CADM1: variants seen among roughly 807,000 people sequenced by gnomAD.
CADM1 encodes TSLC-1.
In CADM1, 15 loss-of-function variants were observed where a neutral mutation model predicts 53.1. The observed-to-expected ratio is 0.28, with a 90% CI of 0.19 to 0.44. The LOEUF is 0.44. Among genes scored for constraint, CADM1 ranks in the 20% least tolerant of loss-of-function variants. The probability of loss-of-function intolerance (pLI) is 1.00; values close to 1 mark genes in which losing one functional copy is unlikely to be tolerated. For synonymous variants in CADM1, 281 were observed against 243.0 expected, an observed-to-expected ratio of 1.16 and a Z score of -1.45; for missense variants, 434 against 611.3, an observed-to-expected ratio of 0.71 and a Z score of 3.06.
intron 1 of CADM1, among the ~76,000 whole-genome samples, chr11:115,285,127 A>C (rs188325669): frequency 1.3e-5 from 2 of 152,354 alleles, no homozygotes; most frequent in African/African-American, 4.8e-5. Flanking sequence ...CCAAGGAATC[A>C]GAAACCAAAT....
intron 1 of CADM1, among the ~76,000 whole-genome samples, chr11:115,285,102 G>T (rs1387678852): frequency 6.6e-6 from 1 of 152,168 alleles, no homozygotes; most frequent in Non-Finnish European, 1.5e-5. Context: ...TGAACCAAAT[G>T]TTGATCAGTC....
chr11:115,223,759 T>A (rs1422765964), intron 5 of CADM1, among the ~76,000 whole-genome samples: 2 of 152,162 alleles, frequency 1.3e-5, no homozygotes, highest in Non-Finnish European at 2.9e-5. Flanking sequence ...GTCCTTATAA[T>A]ATCAGGAACT....
rs11215453 is a variant in CADM1 at position 115,259,450 on chromosome 11, C to G, written c.125-19030G>C. ...CCCCCCAAGTGGCTGGGATTACAGG[C>G]ACACGCCACCACCCCCAGCTAATTT... is the stretch of plus-strand genomic sequence containing the variant. On this transcript the variant is annotated intron_variant, in intron 1 of 11. Coordinates refer to ENST00000331581, the MANE Select transcript of CADM1 (RefSeq NM_001301043.2). Among the ~76,000 whole-genome samples the G allele has an allele frequency of 1.9e-4, 29 of 150,130 alleles. No individual in the cohort carries two copies. The South Asian group carries it at 3.0e-3, about 15-fold the overall frequency.
intron 1 of CADM1, among the ~76,000 whole-genome samples, chr11:115,355,186 A>G (rs1158428978): frequency 1.3e-5 from 2 of 152,244 alleles, no homozygotes; most frequent in Admixed American, 6.5e-5. Flanking sequence ...ATTCACAATA[A>G]TAGCAAAGAC....
chr11:115,398,483 C>T (rs1408034055), intron 1 of CADM1, among the ~76,000 whole-genome samples: 2 of 152,130 alleles, frequency 1.3e-5, no homozygotes, highest in Non-Finnish European at 2.9e-5. Context: ...TGGTTCTCTT[C>T]CACGTTCCAA....
At chr11:115,347,668 C>T (rs937395715) in intron 1 of CADM1, among the ~76,000 whole-genome samples, 9 of 152,144 alleles carry the variant, frequency 5.9e-5, no homozygotes, top group Non-Finnish European at 8.8e-5. Flanking sequence ...TGCTAGGCTG[C>T]TTAGTGCAAT....
At chr11:115,416,686 G>T (rs140110776) in intron 1 of CADM1, among the ~76,000 whole-genome samples, 227 of 140,942 alleles carry the variant, frequency 1.6e-3, no homozygotes, top group African/African-American at 5.9e-3. Context: ...CTGGTCAGTT[G>T]TAAGGATTAA....
intron 1 of CADM1, among the ~76,000 whole-genome samples, chr11:115,269,764 C>T (rs1187006323): frequency 6.6e-6 from 1 of 152,156 alleles, no homozygotes; most frequent in African/African-American, 2.4e-5. Flanking sequence ...TGTCACTAGC[C>T]TGATATGCTT....
chr11:115,241,328 C>T (rs949830286), intron 1 of CADM1, among the ~76,000 whole-genome samples: 1 of 152,190 alleles, frequency 6.6e-6, no homozygotes, highest in Non-Finnish European at 1.5e-5. Flanking sequence ...CAATGTCACA[C>T]CTGGCATAGT....
intron 5 of CADM1, 81 bp from the exon 6 acceptor site, chr11:115,218,072 C>T (rs1298257009): frequency 1.7e-5 from 15 of 904,616 alleles, no homozygotes; most frequent in Non-Finnish European, 2.7e-5. Flanking sequence ...GCCTCAAAAC[C>T]ACAGTACCAG....
intron 1 of CADM1, among the ~76,000 whole-genome samples, chr11:115,317,523 T>C (rs1944700551): frequency 2.0e-5 from 3 of 152,194 alleles, no homozygotes; most frequent in Admixed American, 1.3e-4. Context: ...AAAGGAGACA[T>C]AAGGAATGGC....
At chr11:115,444,336 T>C (rs1303119639) in intron 1 of CADM1, among the ~76,000 whole-genome samples, 1 of 152,188 alleles carries the variant, frequency 6.6e-6, no homozygotes, top group Non-Finnish European at 1.5e-5. Flanking sequence ...GAATATGGTA[T>C]AGTTTACTTA....
In CADM1 at chr11:115,175,269, A is replaced by C. The variant is rs1375612295; in HGVS notation, c.*1205T>G. Reference sequence around the variant, plus strand: ...CCTTTGTCAAGCCAAATCTGAAGGAATGAAAGTTTCACACAGATTCGAGTT... The same window carrying C: ...CCTTTGTCAAGCCAAATCTGAAGGACTGAAAGTTTCACACAGATTCGAGTT... On this transcript the variant is annotated 3_prime_UTR_variant, in exon 12 of 12. Transcript: ENST00000331581. The C allele has an allele frequency of 1.0e-6, 1 of 985,468 alleles. No homozygotes were observed. The highest frequency in any genetic ancestry group is 1.1e-4 in the East Asian group (1 of 8,776). 61.0% of individuals were successfully genotyped at this position (985,468 alleles called of 1,614,324 possible). A position where few individuals can be genotyped will look rare whatever the true frequency, so the allele number is the denominator to read the frequency against.
intron 1 of CADM1, among the ~76,000 whole-genome samples, chr11:115,310,763 G>C (rs966281246): frequency 2.6e-5 from 4 of 152,102 alleles, no homozygotes; most frequent in African/African-American, 9.7e-5. Flanking sequence ...CTCATCACTA[G>C]ATCTTAGAAA....
rs1938751388 is a variant in CADM1 at position 115,170,431 on chromosome 11, T to C, written c.*6043A>G. The C allele has an allele frequency of 4.6e-5, 7 of 152,310 alleles. No homozygotes were observed. In the South Asian group the frequency reaches 1.5e-3, roughly 32 times the overall value. 9.4% of individuals were successfully genotyped at this position (152,310 alleles called of 1,614,324 possible). A position where few individuals can be genotyped will look rare whatever the true frequency, so the allele number is the denominator to read the frequency against. On this transcript the variant is annotated 3_prime_UTR_variant, in exon 12 of 12. Transcript: ENST00000331581. ...ACCACCAGGGGCAGTAGACATTTTA[T>C]GTTTTTTGGGAATGAAAAAAATAAA...
At chr11:115,306,072 C>CACACACACACACACACACACACACA (rs1555060496) in intron 1 of CADM1, among the ~76,000 whole-genome samples, 6 of 130,390 alleles carry the variant, frequency 4.6e-5, no homozygotes, top group African/African-American at 1.4e-4. Context: ...AGGATATATA[C>CACACACACACACACACACACACACA]CACACACACA....
chr11:115,406,723 G>C (rs1305749860), intron 1 of CADM1, among the ~76,000 whole-genome samples: 1 of 151,388 alleles, frequency 6.6e-6, no homozygotes, highest in Non-Finnish European at 1.5e-5. Context: ...GAGGCAGGTG[G>C]ATCACCTGAG....
chr11:115,420,783 C>G (rs1208354644), intron 1 of CADM1, among the ~76,000 whole-genome samples: 3 of 152,160 alleles, frequency 2.0e-5, no homozygotes, highest in South Asian at 2.1e-4. Context: ...TGATGATGAA[C>G]AAAGCCAAGG....
intron 1 of CADM1, among the ~76,000 whole-genome samples, chr11:115,441,894 T>C (rs1948321748): frequency 6.6e-6 from 1 of 151,934 alleles, no homozygotes; most frequent in Admixed American, 6.6e-5. Context: ...AAACCCATGA[T>C]AGTTCTATTT....
Sources: allele counts gnomAD v4.1 joint callset (sites outside exome capture counted in the v4.1 genomes callset), GRCh38; gene constraint gnomAD v4.1.1; transcripts MANE v1.5; gene names NCBI Gene and HGNC (gene_info 2026-07-23, HGNC 2026-07-21).